Variants in AXDND1 observed in about 807,000 individuals in gnomAD.
AXDND1 encodes the protein axonemal dynein light chain domain-containing protein 1.
In AXDND1, 110 loss-of-function variants were observed where a neutral mutation model predicts 137.5. The observed-to-expected ratio is 0.80, with a 90% CI of 0.69 to 0.94. AXDND1 has a LOEUF of 0.94. Ranked by LOEUF, AXDND1 falls within the 40% of genes least tolerant of loss-of-function variation. AXDND1 has a pLI of 0.00. For missense variants in AXDND1, 1,191 were observed against 1,169.8 expected (o/e 1.02, Z -0.26); for synonymous variants, 414 against 399.7 (o/e 1.04, Z -0.43).
intron 17 of AXDND1, among the ~76,000 whole-genome samples, chr1:179,475,153 G>T (rs937752990): frequency 3.3e-5 from 5 of 152,350 alleles, no homozygotes; most frequent in Middle Eastern, 3.4e-3. Context: ...TGCTGCAGAG[G>T]TATAGCCCTC....
intron 18 of AXDND1, among the ~76,000 whole-genome samples, chr1:179,485,384 C>G (rs1490442068): frequency 1.3e-5 from 2 of 152,188 alleles, no homozygotes; most frequent in African/African-American, 2.4e-5. Flanking sequence ...GGACCTGATA[C>G]CAGACCCTAG....
At chr1:179,396,262 T>C (rs1326400802) in intron 11 of AXDND1, among the ~76,000 whole-genome samples, 1 of 152,174 alleles carries the variant, frequency 6.6e-6, no homozygotes, top group Non-Finnish European at 1.5e-5. Context: ...TCCATTCTGC[T>C]TCTTCCCTCC....
chr1:179,498,727 A>G (rs1290346602), intron 20 of AXDND1, among the ~76,000 whole-genome samples: 2 of 152,112 alleles, frequency 1.3e-5, no homozygotes, highest in African/African-American at 4.8e-5. Context: ...CAAACAAATC[A>G]ACAAGCAAAA....
rs1571882821 is a variant in AXDND1, at chr1:179,449,988, A to ATTCTTTTTTTTTTTTTTT, written c.1798+4786_1798+4787insCTTTTTTTTTTTTTTTTT. On this transcript the variant is annotated intron_variant, in intron 16 of 25. Transcript: ENST00000367618. ...TTTTACTAGTTTCTTGCCAATCTGG[A>ATTCTTTTTTTTTTTTTTT]TTTTTTTTTTTTTTTTTTTTTTTTT... is the stretch of plus-strand genomic sequence containing the variant. The ATTCTTTTTTTTTTTTTTT allele has an allele frequency of 3.1e-5, 2 of 65,370 alleles. 1 individual carries two copies. Among genetic ancestry groups the ATTCTTTTTTTTTTTTTTT allele is most frequent in the Non-Finnish European group, 5.5e-5 (2 of 36,186 alleles). The allele number at this position is 65,370 out of a possible 1,614,324, so 4.0% of individuals were successfully genotyped here.
At chr1:179,415,838 G>A (rs1654617123) in intron 12 of AXDND1, among the ~76,000 whole-genome samples, 1 of 152,066 alleles carries the variant, frequency 6.6e-6, no homozygotes, top group South Asian at 2.1e-4. Flanking sequence ...CCGAGTAGCA[G>A]GGTACATCTT....
chr1:179,400,089 A>G (rs752227891), intron 11 of AXDND1, among the ~76,000 whole-genome samples: 4 of 152,200 alleles, frequency 2.6e-5, no homozygotes, highest in Non-Finnish European at 4.4e-5. Context: ...CCCAGAGGAA[A>G]AGAAGTCATT....
chr1:179,410,972 C>A (rs979588479), intron 11 of AXDND1, among the ~76,000 whole-genome samples, 174 bp from the exon 12 acceptor site: 3 of 152,100 alleles, frequency 2.0e-5, no homozygotes, highest in African/African-American at 7.2e-5. Flanking sequence ...TATTTTTCTT[C>A]TATTTCACTG....
chr1:179,474,265 G>A (rs11808007), intron 17 of AXDND1, among the ~76,000 whole-genome samples: 1 of 151,770 alleles, frequency 6.6e-6, no homozygotes, highest in African/African-American at 2.4e-5. Flanking sequence ...TTTTATAGCA[G>A]TGTGAGAATG....
chr1:179,375,800 G>A (rs1048421208), intron 4 of AXDND1, among the ~76,000 whole-genome samples: 4 of 152,142 alleles, frequency 2.6e-5, no homozygotes, highest in Non-Finnish European at 4.4e-5. Context: ...GAAAGAATCC[G>A]GAGGATTGGG....
At chr1:179,407,684 C>T (rs938993412) in intron 11 of AXDND1, among the ~76,000 whole-genome samples, 1 of 152,124 alleles carries the variant, frequency 6.6e-6, no homozygotes, top group Non-Finnish European at 1.5e-5. Flanking sequence ...TGACTTCTGA[C>T]AGTTTGACTG....
chr1:179,432,680 C>T (rs570343891), intron 15 of AXDND1, among the ~76,000 whole-genome samples: 2 of 152,272 alleles, frequency 1.3e-5, no homozygotes, highest in Admixed American at 6.5e-5. Flanking sequence ...CCCACCTCGG[C>T]CTCCCAAAGT....
At chr1:179,535,370 C>G (rs902295513) in intron 25 of AXDND1, among the ~76,000 whole-genome samples, 3 of 152,124 alleles carry the variant, frequency 2.0e-5, no homozygotes, top group African/African-American at 7.2e-5. Flanking sequence ...CTATCCCTCC[C>G]TCAGCCCCCG....
chr1:179,492,647 G>T (rs60297677), intron 19 of AXDND1, among the ~76,000 whole-genome samples: 13,462 of 152,092 alleles, frequency 0.089, 787 homozygotes, highest in South Asian at 0.18. Context: ...AGAATAAGAG[G>T]GATGGAAGGG....
chr1:179,375,584 A>C (rs996005434), intron 4 of AXDND1, among the ~76,000 whole-genome samples: 1 of 146,960 alleles, frequency 6.8e-6, no homozygotes, highest in Non-Finnish European at 1.5e-5. Context: ...ATATATGTAC[A>C]TATATGTATA....
chr1:179,382,872 A>T, intron 7 of AXDND1, 116 bp downstream of exon 7: 1 of 678,522 alleles, frequency 1.5e-6, no homozygotes, highest in Non-Finnish European at 2.4e-6. Context: ...CCAAGGCAAT[A>T]ATTGCCTACA....
intron 11 of AXDND1, among the ~76,000 whole-genome samples, chr1:179,400,979 C>T (rs1216997950): frequency 2.7e-5 from 4 of 150,290 alleles, no homozygotes; most frequent in African/African-American, 9.8e-5. Flanking sequence ...ATGTGTACGG[C>T]CAGGTGCGGT....
chr1:179,414,219 C>G lies in AXDND1; in HGVS notation c.1230+2953C>G, dbSNP rs926313989. 3.3e-5 allele frequency among the ~76,000 whole-genome samples: 5 copies of G among 151,614 alleles called. No individual in the cohort carries two copies. The South Asian group carries it at 6.2e-4, about 19-fold the overall frequency. ...TACAAAAAAAAACCCAACGTATTAC[C>G]TATATACAATAATAAACATTAGAAA... On this transcript the variant is annotated intron_variant, in intron 12 of 25. Transcript: ENST00000367618.
In AXDND1 at chr1:179,370,040, C is replaced by G; in HGVS notation, c.336C>G (p.Tyr112Ter). ...HHPVRRNKFK[Y>*]LIDHPVSLTG... is the part of the protein sequence containing the mutation. ...CTGTTCGAAGGAATAAATTCAAATA[C>G]CTGATTGACCATCCCGTCTCCCTCA... Residue 112 changes from tyrosine (Y) to a stop codon, truncating the protein, a stop_gained, in exon 4 of 26, where the codon TAC becomes TAG. Transcript: ENST00000367618. LOFTEE classifies it high-confidence loss of function. The G allele has an allele frequency of 6.2e-7, 1 of 1,613,820 alleles. No homozygotes were observed. Among genetic ancestry groups the G allele is most frequent in the South Asian group, 1.1e-5 (1 of 91,026 alleles).
chr1:179,548,455 A>G (rs1432103966), intron 25 of AXDND1, among the ~76,000 whole-genome samples: 2 of 152,196 alleles, frequency 1.3e-5, no homozygotes, highest in African/African-American at 2.4e-5. Flanking sequence ...GCAGACCCCA[A>G]GCTCCCAGCT....
Sources: gnomAD v4.1 joint callset for allele counts (sites outside exome capture counted in the v4.1 genomes callset) on GRCh38, gnomAD v4.1.1 for gene constraint, MANE v1.5 for transcripts, NCBI Gene and HGNC (gene_info 2026-07-23, HGNC 2026-07-21) for gene names.